The following ANK3 variants were observed in gnomAD, a reference collection of about 807,000 sequenced individuals.
ANK3 encodes the protein ankyrin 3, also known as ankyrin-3.
A neutral mutation model predicts 370.9 loss-of-function variants in ANK3; 57 were observed. The observed-to-expected ratio is 0.15, with a 90% CI of 0.12 to 0.19. The LOEUF is 0.19. ANK3 is among the 10% of genes least tolerant of loss of function. The pLI, the probability that ANK3 is intolerant of heterozygous loss-of-function variation, is 1.00. For missense variants in ANK3, 4,439 were observed against 5,302.1 expected, an observed-to-expected ratio of 0.84 and a Z score of 5.06; for synonymous variants, 1,929 against 1,946.3, an observed-to-expected ratio of 0.99 and a Z score of 0.23.
In ANK3 at chr10:60,071,731, A is replaced by G. The variant is rs764616397; in HGVS notation, c.9150T>C (p.Asp3050=). 7 of 1,598,502 alleles carry G rather than the reference A, an allele frequency of 4.4e-6. No individual in the cohort carries two copies. The African/African-American group carries it at 9.5e-5, about 22-fold the overall frequency. ...CCTTTCCTGGGCTAAACTCTAAAGA[A>G]TCAGGAGATTTGGTGGGGGAGGTTT... ...ETETSPTKSP[D]SLEFSPGKES... Residue 3050 remains aspartate (D), a synonymous_variant, in exon 37 of 44, where the codon GAT becomes GAC. Transcript: ENST00000280772.
At chr10:60,335,850 C>G (rs1418911557) in intron 1 of ANK3, among the ~76,000 whole-genome samples, 1 of 152,116 alleles carries the variant, frequency 6.6e-6, no homozygotes, top group South Asian at 2.1e-4. Flanking sequence ...ATGAGGCAAA[C>G]AAAGCATAGA....
chr10:60,135,132 G>A (rs185873803), intron 24 of ANK3, among the ~76,000 whole-genome samples: 22 of 152,282 alleles, frequency 1.4e-4, no homozygotes, highest in Admixed American at 6.5e-4. Context: ...TAGAGTCAGG[G>A]CCCTTGGGAG....
At chr10:60,567,027 TGTC>T (rs2077479906) in intron 2 of ANK3, among the ~76,000 whole-genome samples, 2 of 152,224 alleles carry the variant, frequency 1.3e-5, no homozygotes, top group South Asian at 4.1e-4. Context: ...GGAAAGAAGC[TGTC>T]TTCATAACAT....
chr10:60,224,743 T>A (rs1565803375), intron 8 of ANK3, among the ~76,000 whole-genome samples: 1 of 151,830 alleles, frequency 6.6e-6, no homozygotes, highest in African/African-American at 2.4e-5. Context: ...TGCAGATAGA[T>A]CATGGCTGTA....
At chr10:60,141,561 GTTTTTTTT>G (rs36033791) in intron 23 of ANK3, among the ~76,000 whole-genome samples, 2 of 49,044 alleles carry the variant, frequency 4.1e-5, no homozygotes, top group Non-Finnish European at 7.2e-5. Flanking sequence ...TTCAATTGCT[GTTTTTTTT>G]TTTTTTTTTT....
At chr10:60,389,276 T>C (rs2062863784) in intron 1 of ANK3, 149 bp downstream of exon 1, 2 of 724,768 alleles carry the variant, frequency 2.8e-6, no homozygotes, top group Admixed American at 2.8e-5. Flanking sequence ...TGTTCTGCCA[T>C]AGGGTTTATC....
intron 2 of ANK3, among the ~76,000 whole-genome samples, chr10:60,537,916 C>T (rs1202276250): frequency 6.6e-6 from 1 of 151,764 alleles, no homozygotes; most frequent in Non-Finnish European, 1.5e-5. Context: ...CTAAAATGCT[C>T]CTATAATGTG....
intron 42 of ANK3, chr10:60,043,005 G>C: frequency 7.8e-7 from 1 of 1,274,572 alleles, no homozygotes; most frequent in Non-Finnish European, 9.9e-7. Context: ...GTAAGTTAGT[G>C]ATAAATCAAA....
intron 1 of ANK3, among the ~76,000 whole-genome samples, chr10:60,677,748 G>A (rs547054387): frequency 2.8e-5 from 4 of 142,562 alleles, no homozygotes; most frequent in African/African-American, 5.2e-5. Context: ...ACCTCACCTC[G>A]AGACTGAATC....
At chr10:60,693,370 T>G (rs1328628412) in intron 1 of ANK3, among the ~76,000 whole-genome samples, 4 of 152,314 alleles carry the variant, frequency 2.6e-5, no homozygotes, top group South Asian at 4.1e-4. Context: ...CAAAGCAGCC[T>G]GGAAGCTCGA....
intron 2 of ANK3, among the ~76,000 whole-genome samples, chr10:60,402,691 C>A (rs2132906980): frequency 6.6e-6 from 1 of 152,320 alleles, no homozygotes; most frequent in Non-Finnish European, 1.5e-5. Flanking sequence ...CATGGCCAAG[C>A]TACCATGTCA....
chr10:60,467,492 T>C (rs1229132801), intron 2 of ANK3, among the ~76,000 whole-genome samples: 1 of 152,200 alleles, frequency 6.6e-6, no homozygotes, highest in African/African-American at 2.4e-5. Flanking sequence ...AGAAGGTTTT[T>C]GAAAAACTGG....
chr10:60,424,287 C>G (rs890973823), intron 2 of ANK3, among the ~76,000 whole-genome samples: 4 of 151,934 alleles, frequency 2.6e-5, no homozygotes, highest in African/African-American at 9.7e-5. Flanking sequence ...TCTCATTATA[C>G]TGAGAGTCTA....
chr10:60,542,836 C>T (rs2076879810), intron 2 of ANK3, among the ~76,000 whole-genome samples: 1 of 151,816 alleles, frequency 6.6e-6, no homozygotes, highest in Non-Finnish European at 1.5e-5. Context: ...GAGGTTTGAA[C>T]CATTACGTTT....
At chr10:60,202,199 G>A (rs867819457) in intron 12 of ANK3, among the ~76,000 whole-genome samples, 9 of 151,754 alleles carry the variant, frequency 5.9e-5, no homozygotes, top group African/African-American at 1.7e-4. Flanking sequence ...TCAGCTCACC[G>A]CAACCTCCGC....
intron 16 of ANK3, among the ~76,000 whole-genome samples, chr10:60,192,317 G>GTA (rs139015525): frequency 2.7e-4 from 41 of 150,130 alleles, no homozygotes; most frequent in East Asian, 7.8e-4. Flanking sequence ...GTGTATGTGT[G>GTA]TATATATATA....
intron 17 of ANK3, among the ~76,000 whole-genome samples, chr10:60,183,209 A>T (rs930310552): frequency 2.6e-5 from 4 of 152,170 alleles, no homozygotes; most frequent in African/African-American, 9.7e-5. Context: ...CAAACCTACT[A>T]TGTGCTCACT....
Position 60,075,585 on chromosome 10 carries a change from C to G in ANK3, c.5296G>C (p.Val1766Leu), listed in dbSNP as rs758133164. 1 of 1,614,108 alleles carries G rather than the reference C, an allele frequency of 6.2e-7. No individual in the cohort carries two copies. Among genetic ancestry groups the G allele is most frequent in the Non-Finnish European group, 8.5e-7 (1 of 1,180,016 alleles). ...GGCATTGCAGTCGTGGTAGAAAACA[C>G]TTTCTCAACTGTGTCAGTGGCTGCA... is the stretch of plus-strand genomic sequence containing the variant. ...VSAATDTVEK[V>L]FSTTTAMPFS... Residue 1766 changes from valine (V) to leucine (L), a missense_variant, in exon 37 of 44, where the codon GTG (valine) becomes CTG (leucine). By Grantham distance (32) the Val-to-Leu change is conservative. Around this residue, in one of 13 missense-constraint regions of ANK3, gnomAD observed 679 missense variants for 791.0 expected, o/e 0.86. Coordinates refer to ENST00000280772, the MANE Select transcript of ANK3 (RefSeq NM_020987.5).
intron 1 of ANK3, among the ~76,000 whole-genome samples, chr10:60,297,502 GAC>G (rs2042789317): frequency 6.6e-6 from 1 of 151,974 alleles, no homozygotes; most frequent in South Asian, 2.1e-4. Flanking sequence ...CCAATTAGAA[GAC>G]ACAGTTTAAT....
Sources: allele counts gnomAD v4.1 joint callset (sites outside exome capture counted in the v4.1 genomes callset), GRCh38; gene constraint gnomAD v4.1.1; regional missense constraint gnomAD v4.1.1; transcripts MANE v1.5; gene names NCBI Gene and HGNC (gene_info 2026-07-23, HGNC 2026-07-21).